The following ADAM11 variants were observed in gnomAD, a reference collection of about 807,000 sequenced individuals.
The protein encoded by ADAM11 is disintegrin and metalloproteinase domain-containing protein 11.
Under a neutral mutation model 119.1 loss-of-function variants are expected in ADAM11, and 49 were observed. The ratio of observed to expected loss-of-function variants is 0.41; its 90% CI spans 0.33 to 0.52. The LOEUF (loss-of-function observed/expected upper bound fraction) is 0.52. Among genes scored for constraint, ADAM11 ranks in the 20% least tolerant of loss-of-function variants. The probability of loss-of-function intolerance (pLI) is 0.20; values close to 1 mark genes in which losing one functional copy is unlikely to be tolerated. For synonymous variants in ADAM11, 364 were observed against 408.0 expected, an observed-to-expected ratio of 0.89 and a Z score of 1.30; for missense variants, 777 against 1,047.5, an observed-to-expected ratio of 0.74 and a Z score of 3.56.
chr17:44,774,677 T>C (rs1281977947), intron 13 of ADAM11, 21 bp from the exon 14 acceptor site: 1 of 1,591,312 alleles, frequency 6.3e-7, no homozygotes, highest in Non-Finnish European at 8.6e-7. Context: ...CTCCCTCATA[T>C]CCGCCTGGCT....
chr17:44,771,732 G>C, intron 5 of ADAM11, 24 bp from the exon 6 acceptor site: 2 of 1,612,938 alleles, frequency 1.2e-6, no homozygotes, highest in Non-Finnish European at 1.7e-6. Flanking sequence ...GGGACGGAGG[G>C]GAGCTGCGCC....
Position 44,777,578 on chromosome 17 carries a change from C to T in ADAM11, c.1878C>T (p.His626=). ...VGDISSVTFY[H]QGKELDCRGG... is the part of the protein sequence containing the mutation. ...ACATCAGTAGTGTCACCTTCTACCA[C>T]CAGGGCAAGGAGCTGGACTGCAGGT... Residue 626 remains histidine (H), a synonymous_variant, in exon 22 of 27, where the codon CAC becomes CAT. Coordinates refer to ENST00000200557, the MANE Select transcript of ADAM11 (RefSeq NM_002390.6). The surrounding 1 kb of genome is among the most constrained non-coding windows in gnomAD (Gnocchi z 5.1). 1 of 1,614,174 alleles carries T rather than the reference C, an allele frequency of 6.2e-7. No homozygotes were observed. The highest frequency in any genetic ancestry group is 1.1e-5 in the South Asian group (1 of 91,086).
At position 44,774,539 on chromosome 17, in the gene ADAM11, AC is replaced by A; in HGVS notation, c.1126del (p.Gln376ArgfsTer5). On this transcript the variant is annotated frameshift_variant, in exon 13 of 27. Coordinates refer to ENST00000200557, the MANE Select transcript of ADAM11 (RefSeq NM_002390.6). LOFTEE classifies it high-confidence loss of function. The part of the protein sequence containing the change: ...MAVTLAQTLG[Q>X]NLGMMWNKHR... ...CCGTGACCCTTGCCCAGACGCTGGG[AC>A]AGAACCTGGGCATGATGTGGAACAA... is the stretch of plus-strand genomic sequence containing the variant. 1.9e-6 allele frequency: 3 copies of A among 1,613,518 alleles called. No individual in the cohort carries two copies. Among genetic ancestry groups the A allele is most frequent in the Non-Finnish European group, 2.5e-6 (3 of 1,179,886 alleles).
chr17:44,776,710 G>A lies in ADAM11; in HGVS notation c.1567-35G>A, dbSNP rs1391857044. Reference sequence around the variant, plus strand: ...GGGCAGCCCTCAGCTCCAGTCCTGGGACTGCTCCGCTCAACCCCACCCCTC... The same window carrying A: ...GGGCAGCCCTCAGCTCCAGTCCTGGAACTGCTCCGCTCAACCCCACCCCTC... On this transcript the variant is annotated intron_variant, in intron 18 of 26. Transcript: ENST00000200557. The surrounding 1 kb of genome is among the most constrained non-coding windows in gnomAD (Gnocchi z 5.2). 2 of 1,612,460 alleles carry A rather than the reference G, an allele frequency of 1.2e-6. No individual in the cohort carries two copies. The highest frequency in any genetic ancestry group is 1.7e-6 in the Non-Finnish European group (2 of 1,179,286).
chr17:44,759,222 C>T lies in ADAM11; in HGVS notation c.23C>T (p.Ala8Val), dbSNP rs1443382321. MRLLRRW[A>V]FAALLLSLLP... ...GCCATGAGGCTGCTGCGGCGCTGGG[C>T]GTTCGCGGCTCTGCTGCTGTCGCTG... is the stretch of plus-strand genomic sequence containing the variant. Residue 8 changes from alanine (A) to valine (V), a missense_variant, in exon 1 of 27, where the codon GCG becomes GTG. Transcript: ENST00000200557. The T allele has an allele frequency of 7.0e-7, 1 of 1,433,234 alleles. No homozygotes were observed. Among genetic ancestry groups the T allele is most frequent in the Non-Finnish European group, 9.1e-7 (1 of 1,094,496 alleles). 88.8% of individuals were successfully genotyped at this position (1,433,234 alleles called of 1,614,324 possible). A position where few individuals can be genotyped will look rare whatever the true frequency, so the allele number is the denominator to read the frequency against.
At chr17:44,779,691 C>T (rs555576284) in intron 26 of ADAM11, 48 bp from the exon 27 acceptor site, 1 of 1,569,464 alleles carries the variant, frequency 6.4e-7, no homozygotes, top group Non-Finnish European at 8.6e-7. Context: ...GGGGCTCTCC[C>T]CGTGGCCCCT....
Position 44,773,045 on chromosome 17 carries a change from C to G in ADAM11, c.785C>G (p.Thr262Ser). ...FEQMRQSVVL[T>S]SNFAKSVVNL... ...CAGATGCGACAGTCGGTGGTCCTCA[C>G]CAGCAACTTTGCCAAGTCCGTGGTG... Residue 262 changes from threonine to serine, a missense_variant, in exon 10 of 27, where the codon ACC becomes AGC. Physicochemically the swap from Thr to Ser is moderately conservative, Grantham distance 58 (BLOSUM62 1). Around this residue, in one of 4 missense-constraint regions of ADAM11, gnomAD observed 147 missense variants for 223.3 expected, o/e 0.66. Coordinates refer to ENST00000200557, the MANE Select transcript of ADAM11 (RefSeq NM_002390.6). This position sits in a 1 kb window ranked among gnomAD's most constrained non-coding sequence, Gnocchi z 4.6. 2.5e-6 allele frequency: 4 copies of G among 1,614,026 alleles called. No individual in the cohort carries two copies. The highest frequency in any genetic ancestry group is 3.4e-6 in the Non-Finnish European group (4 of 1,179,980).
rs943189917 is a variant in ADAM11, at chr17:44,772,765, C to T, written c.679-92C>T. The T allele has an allele frequency of 5.2e-6, 6 of 1,154,354 alleles. No homozygotes were observed. The African/African-American group carries it at 7.5e-5, about 15-fold the overall frequency. The allele number at this position is 1,154,354 out of a possible 1,614,324, so 71.5% of individuals were successfully genotyped here. A position where few individuals can be genotyped will look rare whatever the true frequency, so the allele number is the denominator to read the frequency against. On this transcript the variant is annotated intron_variant, in intron 8 of 26. Transcript: ENST00000200557. The surrounding 1 kb of genome is among the most constrained non-coding windows in gnomAD (Gnocchi z 4.5). ...GCACTGTCCCTGGCTGGAGTCCAGA[C>T]CCCCCCATCCCCACCGAGTCTGTTC...
At chr17:44,761,715 T>A (rs1394627929) in intron 2 of ADAM11, among the ~76,000 whole-genome samples, 1 of 152,148 alleles carries the variant, frequency 6.6e-6, no homozygotes, top group Non-Finnish European at 1.5e-5. Context: ...TGTGCCTCAG[T>A]TTCCCCTGAG....
intron 11 of ADAM11, 107 bp from the exon 12 acceptor site, chr17:44,774,188 C>A: frequency 1.6e-6 from 1 of 642,004 alleles, no homozygotes; most frequent in Non-Finnish European, 2.6e-6. Flanking sequence ...GCCAGGCTCA[C>A]CTCCTGAGGA....
rs2049597765 is a variant in ADAM11, at chr17:44,776,106, A to C, written c.1486-21A>C. ...CGAGGCATCCATCCTGCCTGACTCG[A>C]GGAGCGCGTCTCTTCCCTAGTACGA... On this transcript the variant is annotated intron_variant, in intron 17 of 26. Coordinates refer to ENST00000200557, the MANE Select transcript of ADAM11 (RefSeq NM_002390.6). This position sits in a 1 kb window ranked among gnomAD's most constrained non-coding sequence, Gnocchi z 5.2. 1 of 1,613,110 alleles carries C rather than the reference A, an allele frequency of 6.2e-7. No homozygotes were observed. The highest frequency in any genetic ancestry group is 8.5e-7 in the Non-Finnish European group (1 of 1,179,670).
rs200688559 is a variant in ADAM11 at position 44,776,930 on chromosome 17, G to A, written c.1649G>A (p.Arg550Gln). 18 of 1,613,050 alleles carry A rather than the reference G, an allele frequency of 1.1e-5. No homozygotes were observed. The Admixed American group carries it at 1.2e-4, about 10-fold the overall frequency. Reference sequence around the variant, plus strand: ...TGCTACGGAGGTCGCTGCAAAACCCGGGACCGGCAGTGCCAGGTTCTTTGG... The same window carrying A: ...TGCTACGGAGGTCGCTGCAAAACCCAGGACCGGCAGTGCCAGGTTCTTTGG... ...GRCYGGRCKTRDRQCQVLWGH... is the reference protein window; with the variant it reads ...GRCYGGRCKTQDRQCQVLWGH... The change falls in exon 20 of 27, where the codon CGG (arginine) becomes CAG (glutamine). Residue 550 changes from arginine to glutamine, a missense_variant. By Grantham distance (43) the Arg-to-Gln change is conservative (BLOSUM62 1). Coordinates refer to ENST00000200557, the MANE Select transcript of ADAM11 (RefSeq NM_002390.6). The surrounding 1 kb of genome is among the most constrained non-coding windows in gnomAD (Gnocchi z 5.2).
intron 26 of ADAM11, 88 bp downstream of exon 26, chr17:44,779,327 C>T (rs1185831308): frequency 6.0e-6 from 9 of 1,497,432 alleles, no homozygotes; most frequent in African/African-American, 2.9e-5. Flanking sequence ...TTCGTCACCC[C>T]GCGTTCTGTT....
Position 44,775,612 on chromosome 17 carries a change from G to T in ADAM11, c.1421G>T (p.Cys474Phe). The T allele has an allele frequency of 6.3e-7, 1 of 1,587,862 alleles. No homozygotes were observed. Among genetic ancestry groups the T allele is most frequent in the Non-Finnish European group, 8.6e-7 (1 of 1,168,170 alleles). ...TGCAGCCGCGCAGGTGGCAACTGCT[G>T]CAAGAAATGCACCCTGACTCACGAC... ...QECSRAGGNC[C>F]KKCTLTHDAM... The change falls in exon 17 of 27, where the codon TGC (cysteine) becomes TTC (phenylalanine). Residue 474 changes from cysteine to phenylalanine, a missense_variant. Transcript: ENST00000200557. This position sits in a 1 kb window ranked among gnomAD's most constrained non-coding sequence, Gnocchi z 7.5.
At chr17:44,765,291 C>T (rs2049434058) in intron 2 of ADAM11, among the ~76,000 whole-genome samples, 1 of 152,148 alleles carries the variant, frequency 6.6e-6, no homozygotes, top group Non-Finnish European at 1.5e-5. Flanking sequence ...TCTGGCTCCT[C>T]CCCACTCTGC....
rs1445479895 is a variant in ADAM11, at chr17:44,775,598, A to G, written c.1407A>G (p.Ala469=). The G allele has an allele frequency of 3.2e-6, 5 of 1,580,888 alleles. No homozygotes were observed. Among genetic ancestry groups the G allele is most frequent in the East Asian group, 2.3e-5 (1 of 43,612 alleles). ...GCGTCCCTCAGGAGTGCAGCCGCGC[A>G]GGTGGCAACTGCTGCAAGAAATGCA... ...DCGSVQECSR[A]GGNCCKKCTL... is the part of the protein sequence containing the mutation. The change falls in exon 17 of 27, where the codon GCA becomes GCG. Residue 469 remains alanine, a synonymous_variant. Transcript: ENST00000200557. This position sits in a 1 kb window ranked among gnomAD's most constrained non-coding sequence, Gnocchi z 7.5.
Position 44,775,241 on chromosome 17 carries a change from G to A in ADAM11, c.1250G>A (p.Cys417Tyr), listed in dbSNP as rs1870955587. 8 of 1,613,850 alleles carry A rather than the reference G, an allele frequency of 5.0e-6. No individual in the cohort carries two copies. The highest frequency in any genetic ancestry group is 6.8e-6 in the Non-Finnish European group (8 of 1,179,980). The change falls in exon 15 of 27, where the codon TGT becomes TAT. Residue 417 changes from cysteine (C) to tyrosine (Y), a missense_variant. Cys to Tyr is a radical substitution (Grantham distance 194). This residue lies in a region of ADAM11 where 348 missense variants were observed against 486.7 expected (regional missense o/e 0.72). Transcript: ENST00000200557. The surrounding 1 kb of genome is among the most constrained non-coding windows in gnomAD (Gnocchi z 7.5). ...TACCTGCCCCGCAAGTTCTCGCGCT[G>A]TAGCATCGACGAGTACAACCAGTTT... is the stretch of plus-strand genomic sequence containing the variant. ...GFYLPRKFSR[C>Y]SIDEYNQFLQ...
In ADAM11 at chr17:44,759,735, A is replaced by G. The variant is rs150671139; in HGVS notation, c.75A>G (p.Gln25=). The G allele has an allele frequency of 8.9e-4, 1,177 of 1,324,186 alleles. 3 individuals are homozygous for G. In the Middle Eastern group the frequency reaches 0.012, roughly 14 times the overall value. The allele number at this position is 1,324,186 out of a possible 1,614,324, so 82.0% of individuals were successfully genotyped here. Residue 25 remains glutamine (Q), a synonymous_variant, in exon 2 of 27, where the codon CAA becomes CAG. Transcript: ENST00000200557. ...TTGTTTCCCCAGGTCTTGGGACCCA[A>G]GGTCCTGCTGGAGCTCTGCGATGGG... The part of the protein sequence containing the change: ...SLLPTPGLGT[Q]GPAGALRWGG...
chr17:44,777,255 T>C lies in ADAM11; in HGVS notation c.1771T>C (p.Cys591Arg). ...GCGCAAGGGATCTGGCTGGGTCCAG[T>C]GCAGTAAGCAGTGAGTACTGAGGCT... Reference protein sequence around the residue: ...CGRKGSGWVQCSKQDVLCGFL... With the variant: ...CGRKGSGWVQRSKQDVLCGFL... The change falls in exon 21 of 27, where the codon TGC (cysteine) becomes CGC (arginine). Residue 591 changes from cysteine (C) to arginine (R), a missense_variant. Cys to Arg is a radical substitution (Grantham distance 180, BLOSUM62 -3). Around this residue, in one of 4 missense-constraint regions of ADAM11, gnomAD observed 348 missense variants for 486.7 expected, o/e 0.72. Transcript: ENST00000200557. This position sits in a 1 kb window ranked among gnomAD's most constrained non-coding sequence, Gnocchi z 5.1. 1 of 1,605,002 alleles carries C rather than the reference T, an allele frequency of 6.2e-7. No homozygotes were observed. Among genetic ancestry groups the C allele is most frequent in the South Asian group, 1.1e-5 (1 of 90,714 alleles).
Sources: gnomAD v4.1 joint callset for allele counts (sites outside exome capture counted in the v4.1 genomes callset) on GRCh38, gnomAD v4.1.1 for gene constraint, gnomAD v4.1.1 regional missense constraint, Gnocchi (gnomAD v3.1) non-coding constraint, MANE v1.5 for transcripts, NCBI Gene and HGNC (gene_info 2026-07-23, HGNC 2026-07-21) for gene names.